The following RBFOX1 variants were observed in gnomAD, a reference collection of about 807,000 sequenced individuals.
The protein encoded by RBFOX1 is RNA binding protein fox-1 homolog 1.
A neutral mutation model predicts 57.7 loss-of-function variants in RBFOX1; 8 were observed. That is an observed-to-expected ratio of 0.14 (90% confidence interval 0.08 to 0.25). The LOEUF is 0.25. Among genes scored for constraint, RBFOX1 ranks in the 10% least tolerant of loss-of-function variants. RBFOX1 has a pLI of 1.00. For missense variants in RBFOX1, 611 were observed against 548.5 expected (o/e 1.11, Z -1.14); for synonymous variants, 326 against 222.4 (o/e 1.47, Z -4.15).
intron 3 of RBFOX1, among the ~76,000 whole-genome samples, chr16:5,649,032 C>G (rs2049141970): frequency 6.6e-6 from 1 of 151,448 alleles, no homozygotes; most frequent in Non-Finnish European, 1.5e-5. Flanking sequence ...CCACTGCACT[C>G]CAGCCTGAGA....
intron 1 of RBFOX1, among the ~76,000 whole-genome samples, chr16:6,081,745 C>G (rs771823749): frequency 4.6e-5 from 7 of 152,130 alleles, no homozygotes; most frequent in African/African-American, 1.7e-4. Flanking sequence ...GCAGAAGTCC[C>G]AAGGTTAATG....
intron 3 of RBFOX1, among the ~76,000 whole-genome samples, chr16:6,821,326 C>T (rs1375870014): frequency 6.6e-6 from 1 of 152,204 alleles, no homozygotes; most frequent in Non-Finnish European, 1.5e-5. Context: ...TGCTACCTGA[C>T]ATGTTTTGTC....
chr16:6,941,264 T>TCCC (rs1339869726), intron 3 of RBFOX1, among the ~76,000 whole-genome samples: 1,593 of 107,462 alleles, frequency 0.015, 115 homozygotes, highest in Middle Eastern at 0.028. Context: ...TCCCTCCCAT[T>TCCC]TCCTCTCTCC....
chr16:6,657,224 T>C (rs1209234013), intron 3 of RBFOX1, among the ~76,000 whole-genome samples: 2 of 151,890 alleles, frequency 1.3e-5, no homozygotes, highest in East Asian at 2.0e-4. Context: ...CCCTCCTTCC[T>C]TCCTTCTTTT....
chr16:7,664,922 C>G lies in RBFOX1; in HGVS notation c.891-7C>G, dbSNP rs1438820885. The G allele has an allele frequency of 1.2e-6, 2 of 1,613,916 alleles. No homozygotes were observed. Among genetic ancestry groups the G allele is most frequent in the East Asian group, 2.2e-5 (1 of 44,884 alleles). ...GGATGTTTCTCTTTGTGTGTGCACC[C>G]TTGCAGTGTTGTTTACCAGGATGGA... On this transcript the variant is annotated splice_polypyrimidine_tract_variant and splice_region_variant and intron_variant, in intron 12 of 15. Coordinates refer to ENST00000550418, the MANE Select transcript of RBFOX1 (RefSeq NM_018723.4).
At chr16:6,503,181 T>A (rs149648881) in intron 2 of RBFOX1, among the ~76,000 whole-genome samples, 1 of 145,728 alleles carries the variant, frequency 6.9e-6, no homozygotes, top group African/African-American at 2.5e-5. Context: ...TATATGTGAT[T>A]TTTTTATTAT....
intron 3 of RBFOX1, among the ~76,000 whole-genome samples, chr16:6,985,813 C>T (rs925813054): frequency 1.6e-5 from 2 of 127,108 alleles, no homozygotes; most frequent in African/African-American, 3.3e-5. Context: ...CGGCCTGGGC[C>T]ACAGAGCGTG....
At chr16:5,406,894 C>T (rs894012624) in intron 1 of RBFOX1, among the ~76,000 whole-genome samples, 1 of 152,134 alleles carries the variant, frequency 6.6e-6, no homozygotes, top group Non-Finnish European at 1.5e-5. Flanking sequence ...TACCTGGTGA[C>T]AGCAGTGTGT....
At chr16:7,220,680 G>C (rs546727362) in intron 4 of RBFOX1, among the ~76,000 whole-genome samples, 7 of 152,184 alleles carry the variant, frequency 4.6e-5, no homozygotes, top group Non-Finnish European at 1.0e-4. Context: ...GGGGATGGCA[G>C]TATTTCTCTG....
intron 4 of RBFOX1, among the ~76,000 whole-genome samples, chr16:7,414,306 C>T (rs1462928261): frequency 2.0e-5 from 3 of 152,120 alleles, no homozygotes; most frequent in African/African-American, 7.2e-5. Context: ...GTTCACTGGC[C>T]AGGTTATGGG....
chr16:6,942,497 C>T (rs558488632), intron 3 of RBFOX1, among the ~76,000 whole-genome samples: 3 of 152,222 alleles, frequency 2.0e-5, no homozygotes, highest in South Asian at 4.1e-4. Flanking sequence ...TCTCCATCTC[C>T]TGGGAGATGA....
At chr16:5,363,433 T>C (rs1351318283) in intron 1 of RBFOX1, among the ~76,000 whole-genome samples, 1 of 152,220 alleles carries the variant, frequency 6.6e-6, no homozygotes, top group Non-Finnish European at 1.5e-5. Context: ...CTATTTTCCT[T>C]GTTTAATTTT....
intron 4 of RBFOX1, among the ~76,000 whole-genome samples, chr16:7,213,320 C>T (rs2091484163): frequency 6.6e-6 from 1 of 152,178 alleles, no homozygotes; most frequent in South Asian, 2.1e-4. Context: ...TTGCATGGAT[C>T]CAAGCCCAAA....
intron 5 of RBFOX1, among the ~76,000 whole-genome samples, chr16:7,540,506 G>C (rs1329165069): frequency 6.6e-6 from 1 of 152,190 alleles, no homozygotes; most frequent in East Asian, 1.9e-4. Flanking sequence ...GGGTAGTTAT[G>C]AAGACAACAC....
intron 4 of RBFOX1, among the ~76,000 whole-genome samples, chr16:7,139,664 G>T (rs1258764353): frequency 2.6e-5 from 4 of 152,204 alleles, no homozygotes; most frequent in Admixed American, 2.0e-4. Context: ...TTGGTAAAGA[G>T]GCAAGGGAGA....
At position 7,256,308 on chromosome 16, in the gene RBFOX1, A is replaced by G. The variant is rs572203494; in HGVS notation, c.27+204210A>G. Among the ~76,000 whole-genome samples, 3 of 152,296 alleles carry G rather than the reference A, an allele frequency of 2.0e-5. No homozygotes were observed. The East Asian group carries it at 5.8e-4, about 29-fold the overall frequency. On this transcript the variant is annotated intron_variant, in intron 4 of 15. Coordinates refer to ENST00000550418, the MANE Select transcript of RBFOX1 (RefSeq NM_018723.4). ...GGGAGAGGTTAAGCCTCACCTCCAC[A>G]GTCAGCGAGCAGATCTCTGATGAAG...
At chr16:6,551,515 C>G (rs1039136601) in intron 2 of RBFOX1, among the ~76,000 whole-genome samples, 1 of 152,152 alleles carries the variant, frequency 6.6e-6, no homozygotes, top group Non-Finnish European at 1.5e-5. Context: ...GCTATTGGCT[C>G]ATGAAGTCTG....
intron 3 of RBFOX1, among the ~76,000 whole-genome samples, chr16:5,841,564 T>C (rs1013961379): frequency 2.6e-5 from 4 of 152,222 alleles, no homozygotes; most frequent in African/African-American, 9.6e-5. Flanking sequence ...AACATTCAGA[T>C]ACACAGCAAC....
intron 4 of RBFOX1, among the ~76,000 whole-genome samples, chr16:7,295,683 T>G (rs868204350): frequency 1.3e-5 from 2 of 151,894 alleles, no homozygotes; most frequent in Admixed American, 6.6e-5. Flanking sequence ...CTCAGGGGAG[T>G]ACACCTTTTG....
Sources: gnomAD v4.1 joint callset for allele counts (sites outside exome capture counted in the v4.1 genomes callset) on GRCh38, gnomAD v4.1.1 for gene constraint, MANE v1.5 for transcripts, NCBI Gene and HGNC (gene_info 2026-07-23, HGNC 2026-07-21) for gene names.